The following RUNDC3B variants were observed in gnomAD, a reference collection of about 807,000 sequenced individuals.
RUNDC3B encodes RUN domain containing 3B, also known as RUN domain-containing protein 3B.
A neutral mutation model predicts 58.4 loss-of-function variants in RUNDC3B; 33 were observed. That is an observed-to-expected ratio of 0.56 (90% CI 0.43 to 0.75). The LOEUF (loss-of-function observed/expected upper bound fraction) is 0.75. Among genes scored for constraint, RUNDC3B ranks in the 30% least tolerant of loss-of-function variants. The pLI is 0.00. For missense variants in RUNDC3B, 501 were observed against 535.7 expected, an observed-to-expected ratio of 0.94 and a Z score of 0.64; for synonymous variants, 193 against 195.2, an observed-to-expected ratio of 0.99 and a Z score of 0.10.
At chr7:87,705,558 G>C (rs1466952819) in intron 3 of RUNDC3B, among the ~76,000 whole-genome samples, 2 of 152,158 alleles carry the variant, frequency 1.3e-5, no homozygotes, top group Non-Finnish European at 2.9e-5. Context: ...TTTGAGTTGA[G>C]GATCATGTTT....
At chr7:87,713,646 T>TAAAA (rs527802276) in intron 4 of RUNDC3B, among the ~76,000 whole-genome samples, 1 of 97,958 alleles carries the variant, frequency 1.0e-5, no homozygotes, top group African/African-American at 3.8e-5. Flanking sequence ...GAATCTAAGC[T>TAAAA]AAAAAAAAAA....
chr7:87,752,118 A>G (rs1833042470), intron 6 of RUNDC3B, among the ~76,000 whole-genome samples: 1 of 152,194 alleles, frequency 6.6e-6, no homozygotes, highest in Non-Finnish European at 1.5e-5. Context: ...CCTTTTCTGC[A>G]TCTATTGAGA....
chr7:87,639,697 A>G (rs543967107), intron 1 of RUNDC3B, among the ~76,000 whole-genome samples: 5 of 152,106 alleles, frequency 3.3e-5, no homozygotes, highest in Non-Finnish European at 7.4e-5. Context: ...CTACTAATAC[A>G]GTTATAATAG....
At chr7:87,673,442 C>T (rs1226348647) in intron 2 of RUNDC3B, among the ~76,000 whole-genome samples, 1 of 152,074 alleles carries the variant, frequency 6.6e-6, no homozygotes, top group Non-Finnish European at 1.5e-5. Context: ...CTTTTTCTGA[C>T]TGAGCTAATT....
chr7:87,807,757 G>A (rs1563222842), intron 9 of RUNDC3B, among the ~76,000 whole-genome samples: 1 of 152,046 alleles, frequency 6.6e-6, no homozygotes, highest in Non-Finnish European at 1.5e-5. Flanking sequence ...AAATATATGA[G>A]CTTGTGTTTA....
chr7:87,649,282 A>G (rs1823335521), intron 1 of RUNDC3B, among the ~76,000 whole-genome samples: 1 of 152,180 alleles, frequency 6.6e-6, no homozygotes. Flanking sequence ...ACATTTATTT[A>G]CCATTCTTTC....
At chr7:87,652,621 G>GAGATATATATATATATATATATAT (rs374832268) in intron 2 of RUNDC3B, among the ~76,000 whole-genome samples, 35 of 125,378 alleles carry the variant, frequency 2.8e-4, no homozygotes, top group African/African-American at 1.2e-3. Flanking sequence ...TGTGGTCACT[G>GAGATATATATATATATATATATAT]ATATATATAT....
At chr7:87,668,117 G>A (rs1825452028) in intron 2 of RUNDC3B, among the ~76,000 whole-genome samples, 1 of 150,880 alleles carries the variant, frequency 6.6e-6, no homozygotes. Flanking sequence ...TCAGGCCCTT[G>A]GCTTTTTTTT....
intron 1 of RUNDC3B, among the ~76,000 whole-genome samples, chr7:87,650,015 C>T (rs944462550): frequency 4.6e-5 from 7 of 152,150 alleles, no homozygotes; most frequent in African/African-American, 9.7e-5. Context: ...TACTCAGTCA[C>T]GGGTAAGTCT....
At chr7:87,669,329 A>G (rs1227871419) in intron 2 of RUNDC3B, among the ~76,000 whole-genome samples, 54 of 152,098 alleles carry the variant, frequency 3.6e-4, no homozygotes, top group Non-Finnish European at 1.0e-4. Context: ...TTTGCTTAGT[A>G]GATTTTTCTT....
intron 4 of RUNDC3B, 57 bp from the exon 5 acceptor site, chr7:87,739,734 C>T (rs531311011): frequency 1.6e-5 from 12 of 771,828 alleles, no homozygotes; most frequent in East Asian, 8.3e-5. Flanking sequence ...TGATTTCTCT[C>T]GATCAAACTT....
At chr7:87,739,067 T>C (rs1173070226) in intron 4 of RUNDC3B, among the ~76,000 whole-genome samples, 1 of 151,932 alleles carries the variant, frequency 6.6e-6, no homozygotes, top group Non-Finnish European at 1.5e-5. Context: ...GATTAAATGA[T>C]TTTACATTCA....
chr7:87,815,908 A>G (rs1387582870), intron 9 of RUNDC3B, among the ~76,000 whole-genome samples: 2 of 152,032 alleles, frequency 1.3e-5, no homozygotes, highest in African/African-American at 2.4e-5. Context: ...ATTATGTCTG[A>G]CAAACTCTTT....
At chr7:87,670,804 T>G (rs994440691) in intron 2 of RUNDC3B, among the ~76,000 whole-genome samples, 3 of 152,186 alleles carry the variant, frequency 2.0e-5, no homozygotes, top group African/African-American at 7.2e-5. Context: ...GGCTTTTTGG[T>G]CAGTTGGTAG....
At chr7:87,634,941 G>A (rs1821614080) in intron 1 of RUNDC3B, among the ~76,000 whole-genome samples, 1 of 152,158 alleles carries the variant, frequency 6.6e-6, no homozygotes, top group Admixed American at 6.5e-5. Flanking sequence ...ACTAGTCCTA[G>A]AGTAGACATT....
intron 2 of RUNDC3B, among the ~76,000 whole-genome samples, chr7:87,683,582 G>A (rs1009239585): frequency 4.6e-5 from 7 of 152,174 alleles, no homozygotes; most frequent in Non-Finnish European, 7.3e-5. Flanking sequence ...GGTAGCTGGA[G>A]CATTCAGAAC....
intron 2 of RUNDC3B, among the ~76,000 whole-genome samples, chr7:87,684,362 G>A (rs961094730): frequency 6.6e-6 from 1 of 152,106 alleles, no homozygotes. Context: ...AAAGTAACTG[G>A]AATAGGCAAA....
chr7:87,744,797 G>A (rs1014845327), intron 6 of RUNDC3B, among the ~76,000 whole-genome samples: 1 of 152,066 alleles, frequency 6.6e-6, no homozygotes, highest in Non-Finnish European at 1.5e-5. Context: ...TTACCGATGT[G>A]GATGCTCTTT....
At chr7:87,823,367 T>A (rs1014133063) in intron 10 of RUNDC3B, among the ~76,000 whole-genome samples, 6 of 151,114 alleles carry the variant, frequency 4.0e-5, no homozygotes, top group Admixed American at 2.6e-4. Flanking sequence ...TGCAAAACTA[T>A]TTTTTTTCTT....
Sources: allele counts gnomAD v4.1 joint callset (sites outside exome capture counted in the v4.1 genomes callset), GRCh38; gene constraint gnomAD v4.1.1; transcripts MANE v1.5; gene names NCBI Gene and HGNC (gene_info 2026-07-23, HGNC 2026-07-21).